SLIT2: variants seen among roughly 807,000 people sequenced by gnomAD.
SLIT2 encodes slit homolog 2 protein.
Under a neutral mutation model 185.7 loss-of-function variants are expected in SLIT2, and 41 were observed. The observed-to-expected ratio is 0.22, with a 90% confidence interval of 0.17 to 0.29. The LOEUF is 0.29. Among genes scored for constraint, SLIT2 ranks in the 10% least tolerant of loss-of-function variants. The pLI, the probability that SLIT2 is intolerant of heterozygous loss-of-function variation, is 1.00. For synonymous variants in SLIT2, 693 were observed against 680.2 expected (o/e 1.02, Z -0.29); for missense variants, 1,571 against 1,909.0 (o/e 0.82, Z 3.30).
intron 4 of SLIT2, among the ~76,000 whole-genome samples, chr4:20,377,540 T>A (rs1284120845): frequency 6.6e-6 from 1 of 152,162 alleles, no homozygotes; most frequent in Non-Finnish European, 1.5e-5. Context: ...CCATTTCGAA[T>A]TGGACCGCCT....
At chr4:20,536,600 T>C (rs906303105) in intron 18 of SLIT2, among the ~76,000 whole-genome samples, 1 of 150,744 alleles carries the variant, frequency 6.6e-6, no homozygotes, top group African/African-American at 2.4e-5. Context: ...TGTACAACTG[T>C]ACACTTAGGC....
chr4:20,381,886 C>T (rs1026634245), intron 4 of SLIT2, among the ~76,000 whole-genome samples: 1 of 151,014 alleles, frequency 6.6e-6, no homozygotes, highest in African/African-American at 2.4e-5. Context: ...GACCAATATC[C>T]TTCATAAATA....
chr4:20,449,914 T>C (rs1712280190), intron 4 of SLIT2, among the ~76,000 whole-genome samples: 1 of 152,066 alleles, frequency 6.6e-6, no homozygotes, highest in African/African-American at 2.4e-5. Flanking sequence ...AAAATTAAAA[T>C]ACAGTGTGTA....
At chr4:20,270,309 A>G (rs1055602237) in intron 4 of SLIT2, among the ~76,000 whole-genome samples, 2 of 151,912 alleles carry the variant, frequency 1.3e-5, no homozygotes, top group Admixed American at 1.3e-4. Context: ...ATCGACTTGG[A>G]TTAATTTCCC....
intron 2 of SLIT2, among the ~76,000 whole-genome samples, chr4:20,257,369 G>A (rs1358633396): frequency 6.6e-6 from 1 of 152,020 alleles, no homozygotes; most frequent in African/African-American, 2.4e-5. Context: ...CCACAGGATT[G>A]TAAATATTGA....
chr4:20,274,740 GTGT>G (rs892373066), intron 4 of SLIT2, among the ~76,000 whole-genome samples: 7 of 131,196 alleles, frequency 5.3e-5, no homozygotes, highest in African/African-American at 2.1e-4. Context: ...GAAAGTTTCT[GTGT>G]TTTTTTTTTT....
At chr4:20,295,909 A>T (rs1035209668) in intron 4 of SLIT2, among the ~76,000 whole-genome samples, 1 of 152,234 alleles carries the variant, frequency 6.6e-6, no homozygotes, top group African/African-American at 2.4e-5. Flanking sequence ...ACATGCTCAA[A>T]TTAACATGTT....
chr4:20,308,211 G>A (rs2109126384), intron 4 of SLIT2, among the ~76,000 whole-genome samples: 1 of 152,248 alleles, frequency 6.6e-6, no homozygotes, highest in South Asian at 2.1e-4. Context: ...AAAGGCCAAG[G>A]AAGGAGTCTA....
intron 28 of SLIT2, 147 bp from the exon 29 acceptor site, chr4:20,568,718 C>A (rs560490140): frequency 1.5e-6 from 1 of 665,188 alleles, no homozygotes. Flanking sequence ...TACAACATGT[C>A]AGTTAAAAGC....
intron 4 of SLIT2, among the ~76,000 whole-genome samples, chr4:20,290,845 G>T (rs374544806): frequency 6.8e-6 from 1 of 147,086 alleles, no homozygotes; most frequent in African/African-American, 2.5e-5. Flanking sequence ...ATCATTTTTC[G>T]TAATAACCTA....
At chr4:20,376,066 T>G (rs370740771) in intron 4 of SLIT2, among the ~76,000 whole-genome samples, 1 of 137,656 alleles carries the variant, frequency 7.3e-6, no homozygotes, top group Non-Finnish European at 1.6e-5. Flanking sequence ...ATAAAAGAAA[T>G]AAAAAATTTT....
intron 4 of SLIT2, among the ~76,000 whole-genome samples, chr4:20,389,481 A>G (rs896877790): frequency 6.6e-6 from 1 of 151,776 alleles, no homozygotes; most frequent in Non-Finnish European, 1.5e-5. Flanking sequence ...CAGAGTTCCC[A>G]GCTAATGTAT....
chr4:20,574,492 T>A (rs796933370), intron 29 of SLIT2, among the ~76,000 whole-genome samples: 2 of 152,044 alleles, frequency 1.3e-5, no homozygotes, highest in African/African-American at 4.8e-5. Flanking sequence ...ATGAGGATAA[T>A]AAGGAAGTTA....
chr4:20,283,835 T>G (rs1225422755), intron 4 of SLIT2, among the ~76,000 whole-genome samples: 1 of 152,180 alleles, frequency 6.6e-6, no homozygotes, highest in African/African-American at 2.4e-5. Flanking sequence ...TTACTGTGCC[T>G]AAAGATCTAT....
chr4:20,547,059 G>A (rs1723310254), intron 22 of SLIT2, among the ~76,000 whole-genome samples: 1 of 151,990 alleles, frequency 6.6e-6, no homozygotes, highest in Non-Finnish European at 1.5e-5. Flanking sequence ...ATGTAAACTA[G>A]GTACATTGAA....
chr4:20,401,149 A>G (rs1726325231), intron 4 of SLIT2, among the ~76,000 whole-genome samples: 1 of 151,868 alleles, frequency 6.6e-6, no homozygotes, highest in African/African-American at 2.4e-5. Context: ...TGAAGTCAGA[A>G]AGCCTGATAG....
intron 4 of SLIT2, among the ~76,000 whole-genome samples, chr4:20,341,953 T>C (rs1398932190): frequency 2.0e-5 from 3 of 152,204 alleles, no homozygotes; most frequent in Non-Finnish European, 2.9e-5. Flanking sequence ...CATGGTTAAC[T>C]TCCTAGAGTT....
At chr4:20,333,811 G>A (rs960519735) in intron 4 of SLIT2, among the ~76,000 whole-genome samples, 4 of 152,082 alleles carry the variant, frequency 2.6e-5, no homozygotes, top group African/African-American at 9.7e-5. Context: ...ATGTGTAAAG[G>A]TTGCAATTAT....
At chr4:20,286,177 A>G (rs1206975142) in intron 4 of SLIT2, among the ~76,000 whole-genome samples, 1 of 152,222 alleles carries the variant, frequency 6.6e-6, no homozygotes, top group Non-Finnish European at 1.5e-5. Flanking sequence ...AAATAAAAAC[A>G]CTATACAATG....
Sources: allele counts gnomAD v4.1 joint callset (sites outside exome capture counted in the v4.1 genomes callset), GRCh38; gene constraint gnomAD v4.1.1; transcripts MANE v1.5; gene names NCBI Gene and HGNC (gene_info 2026-07-23, HGNC 2026-07-21).